The following SCAF11 variants were observed in gnomAD, a reference collection of about 807,000 sequenced individuals.
SCAF11 encodes protein SCAF11.
Under a neutral mutation model 140.5 loss-of-function variants are expected in SCAF11, and 47 were observed. That is an observed-to-expected ratio of 0.33 (90% confidence interval 0.26 to 0.43). The LOEUF is 0.43. Ranked by LOEUF, SCAF11 falls within the 20% of genes least tolerant of loss-of-function variation. The pLI, the probability that SCAF11 is intolerant of heterozygous loss-of-function variation, is 1.00. For synonymous variants in SCAF11, 557 were observed against 579.4 expected, an observed-to-expected ratio of 0.96 and a Z score of 0.55; for missense variants, 1,645 against 1,705.1, an observed-to-expected ratio of 0.96 and a Z score of 0.62.
At chr12:45,960,265 C>G (rs1157472273) in intron 3 of SCAF11, among the ~76,000 whole-genome samples, 1 of 152,082 alleles carries the variant, frequency 6.6e-6, no homozygotes, top group Non-Finnish European at 1.5e-5. Flanking sequence ...ATTACATACA[C>G]ATTATAATTT....
chr12:45,926,520 T>C lies in SCAF11; in HGVS notation c.3181A>G (p.Lys1061Glu), dbSNP rs1944863251. The change falls in exon 11 of 15, where the codon AAA (lysine) becomes GAA (glutamate). Residue 1061 changes from lysine to glutamate, a missense_variant. By Grantham distance (56) the Lys-to-Glu change is moderately conservative. Around this residue, in one of 2 missense-constraint regions of SCAF11, gnomAD observed 1,582 missense variants for 1,609.2 expected, o/e 0.98. Transcript: ENST00000369367. ...RNENSGNSWN[K>E]NFGSGWVSNR... ...GATACCCAACCAGAACCAAAGTTTTTATTCCAAGAATTTCCTGAATTTTCA... is the reference window on the plus strand; with the variant it reads ...GATACCCAACCAGAACCAAAGTTTTCATTCCAAGAATTTCCTGAATTTTCA... 1 of 1,613,318 alleles carries C rather than the reference T, an allele frequency of 6.2e-7. No homozygotes were observed. The highest frequency in any genetic ancestry group is 8.5e-7 in the Non-Finnish European group (1 of 1,179,910).
intron 1 of SCAF11, among the ~76,000 whole-genome samples, chr12:45,965,937 A>G (rs1449547548): frequency 6.6e-6 from 1 of 152,240 alleles, no homozygotes; most frequent in Non-Finnish European, 1.5e-5. Context: ...TAAAGGTTGT[A>G]GCAGATCAAA....
chr12:45,922,623 T>C, intron 13 of SCAF11, 41 bp from the exon 14 acceptor site: 1 of 1,547,144 alleles, frequency 6.5e-7, no homozygotes, highest in South Asian at 1.2e-5. Flanking sequence ...TTGCCAGTCA[T>C]ACTGCTCTCA....
At chr12:45,954,961 T>TGG in intron 3 of SCAF11, 1 of 151,776 alleles carries the variant, frequency 6.6e-6, no homozygotes, top group African/African-American at 2.4e-5. Context: ...TAAGCATAAT[T>TGG]GTCTTAGGTT....
chr12:45,935,568 AT>A (rs1945153225), intron 6 of SCAF11, among the ~76,000 whole-genome samples: 1 of 152,216 alleles, frequency 6.6e-6, no homozygotes, highest in Admixed American at 6.5e-5. Context: ...TTGCTGTGCT[AT>A]ACCTACATAG....
At position 45,975,587 on chromosome 12, in the gene SCAF11, C is replaced by G. The variant is rs150210544; in HGVS notation, c.-21-11399G>C. 1,105 of 183,860 alleles carry G rather than the reference C, an allele frequency of 6.0e-3. 10 individuals carry two copies. Among genetic ancestry groups the G allele is most frequent in the African/African-American group, 0.025 (1,043 of 42,078 alleles). 11.4% of individuals were successfully genotyped at this position (183,860 alleles called of 1,614,324 possible). A position where few individuals can be genotyped will look rare whatever the true frequency, so the allele number is the denominator to read the frequency against. On this transcript the variant is annotated intron_variant, in intron 1 of 14. Coordinates refer to ENST00000369367, the MANE Select transcript of SCAF11 (RefSeq NM_004719.3). ...TTTCTTCTGCAGCTTCCTTATCCCT[C>G]TCAGACTTCACTGGCTTGAAGAGCG...
chr12:45,972,901 T>G (rs10683271), intron 1 of SCAF11, among the ~76,000 whole-genome samples: 1,119 of 26,314 alleles, frequency 0.043, 60 homozygotes, highest in African/African-American at 0.073. Flanking sequence ...TAGATATATA[T>G]ATATATAGAT....
In SCAF11 at chr12:45,928,546, T is replaced by A; in HGVS notation, c.1155A>T (p.Leu385Phe). ...CAGAGCTCCGAAGTTTCTTTTTCAG[T>A]AAAGGTGGTTTTCTTCCTCTTCTTA... ...KSVRRGRKPPLLKKKLRSSVA... is the reference protein window; with the variant it reads ...KSVRRGRKPPFLKKKLRSSVA... Residue 385 changes from leucine (L) to phenylalanine (F), a missense_variant, in exon 11 of 15, where the codon TTA (leucine) becomes TTT (phenylalanine). Physicochemically the swap from Leu to Phe is conservative, Grantham distance 22. Transcript: ENST00000369367. 1 of 1,614,156 alleles carries A rather than the reference T, an allele frequency of 6.2e-7. No individual in the cohort carries two copies. Among genetic ancestry groups the A allele is most frequent in the Non-Finnish European group, 8.5e-7 (1 of 1,180,030 alleles).
chr12:45,932,575 A>T (rs1178837996), intron 9 of SCAF11, among the ~76,000 whole-genome samples: 1 of 152,178 alleles, frequency 6.6e-6, no homozygotes, highest in East Asian at 1.9e-4. Context: ...ATAGGAATTA[A>T]TATAAAACTC....
At chr12:45,934,736 G>T (rs1019549219) in intron 6 of SCAF11, among the ~76,000 whole-genome samples, 1 of 152,174 alleles carries the variant, frequency 6.6e-6, no homozygotes, top group African/African-American at 2.4e-5. Flanking sequence ...ACTGGGTGAA[G>T]TATGTCAAAC....
intron 12 of SCAF11, among the ~76,000 whole-genome samples, chr12:45,924,453 G>C (rs1944796528): frequency 6.6e-6 from 1 of 152,060 alleles, no homozygotes; most frequent in Admixed American, 6.6e-5. Flanking sequence ...TTATAATTTG[G>C]TTTACTTAAT....
Position 45,951,631 on chromosome 12 carries a change from G to A in SCAF11, c.297+19C>T. On this transcript the variant is annotated intron_variant, in intron 4 of 14. Transcript: ENST00000369367. ...AATTAATTTTTATATAATTCATGTT[G>A]CAGAATAAAAAGACTTACCTTAACA... 1 of 1,464,850 alleles carries A rather than the reference G, an allele frequency of 6.8e-7. No homozygotes were observed. The highest frequency in any genetic ancestry group is 9.3e-7 in the Non-Finnish European group (1 of 1,071,354). 90.7% of individuals were successfully genotyped at this position (1,464,850 alleles called of 1,614,324 possible). A position where few individuals can be genotyped will look rare whatever the true frequency, so the allele number is the denominator to read the frequency against.
Position 45,922,998 on chromosome 12 carries a change from AT to A in SCAF11, c.4062del (p.Lys1354AsnfsTer7), listed in dbSNP as rs1944751345. ...SHSKASNAAV[K>X]LAESKVSVAV... is the part of the protein sequence containing the mutation. ...GCAACACTTACTTTGCTTTCTGCCA[AT>A]TTTACAGCAGCATTAGAGGCTTTGC... On this transcript the variant is annotated frameshift_variant, in exon 13 of 15. Transcript: ENST00000369367. LOFTEE classifies it high-confidence loss of function. 1 of 1,614,018 alleles carries A rather than the reference AT, an allele frequency of 6.2e-7. No homozygotes were observed. Among genetic ancestry groups the A allele is most frequent in the Non-Finnish European group, 8.5e-7 (1 of 1,180,008 alleles).
intron 1 of SCAF11, among the ~76,000 whole-genome samples, chr12:45,971,058 A>T (rs1450652751): frequency 6.6e-6 from 1 of 152,246 alleles, no homozygotes; most frequent in East Asian, 1.9e-4. Context: ...CCAGACAATG[A>T]AGACTGAATT....
chr12:45,969,668 A>T (rs1946029663), intron 1 of SCAF11, among the ~76,000 whole-genome samples: 1 of 152,254 alleles, frequency 6.6e-6, no homozygotes, highest in East Asian at 1.9e-4. Flanking sequence ...AAATGCAAGG[A>T]CTAAAAAAAG....
Position 45,921,382 on chromosome 12 carries a change from TA to T in SCAF11, c.*665del, listed in dbSNP as rs1944709204. 6.6e-6 allele frequency: 1 copy of T among 152,568 alleles called. No individual in the cohort carries two copies. Among genetic ancestry groups the T allele is most frequent in the African/African-American group, 2.4e-5 (1 of 41,412 alleles). 9.5% of individuals were successfully genotyped at this position (152,568 alleles called of 1,614,324 possible). On this transcript the variant is annotated 3_prime_UTR_variant, in exon 15 of 15. Coordinates refer to ENST00000369367, the MANE Select transcript of SCAF11 (RefSeq NM_004719.3). ...AGTAAGTCAAACTGCTTATCTCAAT[TA>T]GGGGTAAACAAAGGCACAAAAGAAA...
chr12:45,925,406 T>G (rs1361897102), intron 11 of SCAF11, among the ~76,000 whole-genome samples: 1 of 152,060 alleles, frequency 6.6e-6, no homozygotes, highest in Non-Finnish European at 1.5e-5. Flanking sequence ...AATACAAAAA[T>G]TAGCCAGGCG....
chr12:45,923,104 C>G lies in SCAF11; in HGVS notation c.3957G>C (p.Leu1319Phe), dbSNP rs752970411. The G allele has an allele frequency of 4.3e-6, 7 of 1,613,904 alleles. No homozygotes were observed. In the African/African-American group the frequency reaches 9.4e-5, roughly 22 times the overall value. ...HVSNNMSTPVLPAPTAAPGNT... is the reference protein window; with the variant it reads ...HVSNNMSTPVFPAPTAAPGNT... ...TTCCTGGGGCTGCTGTCGGAGCAGG[C>G]AAAACTGGTGTACTCATGTTATTAC... Residue 1319 changes from leucine to phenylalanine, a missense_variant, in exon 13 of 15, where the codon TTG becomes TTC. Physicochemically the swap from Leu to Phe is conservative, Grantham distance 22. This residue lies in a region of SCAF11 where 1,582 missense variants were observed against 1,609.2 expected (regional missense o/e 0.98). Transcript: ENST00000369367.
upstream of SCAF11, among the ~76,000 whole-genome samples, chr12:45,991,407 A>G (rs775150943): frequency 6.6e-6 from 1 of 152,182 alleles, no homozygotes; most frequent in African/African-American, 2.4e-5. Context: ...TCTACAAAAA[A>G]TAAAATTAAC....
Sources: allele counts gnomAD v4.1 joint callset (sites outside exome capture counted in the v4.1 genomes callset), GRCh38; gene constraint gnomAD v4.1.1; regional missense constraint gnomAD v4.1.1; transcripts MANE v1.5; gene names NCBI Gene and HGNC (gene_info 2026-07-23, HGNC 2026-07-21).